DAP: variants seen among roughly 807,000 people sequenced by gnomAD.
DAP encodes death associated protein.
DAP carries 8 observed loss-of-function variants against 13.8 expected under a neutral mutation model. The ratio of observed to expected loss-of-function variants is 0.58; its 90% CI spans 0.34 to 1.05. The LOEUF (loss-of-function observed/expected upper bound fraction) is 1.05, where lower values mean the gene tolerates loss of function less well. Ranked by LOEUF, DAP falls within the 50% of genes least tolerant of loss-of-function variation. The probability of loss-of-function intolerance (pLI) is 0.03; values close to 1 mark genes in which losing one functional copy is unlikely to be tolerated. For synonymous variants in DAP, 47 were observed against 47.5 expected (o/e 0.99, Z 0.04); for missense variants, 106 against 133.2 (o/e 0.80, Z 1.01).
At chr5:10,710,328 TC>T (rs1738815820) in intron 2 of DAP, among the ~76,000 whole-genome samples, 1 of 152,162 alleles carries the variant, frequency 6.6e-6, no homozygotes, top group African/African-American at 2.4e-5. Flanking sequence ...AAGCTGAGGC[TC>T]AGGGAGTTGC....
At position 10,722,573 on chromosome 5, in the gene DAP, C is replaced by CATAT. The variant is rs1156741195; in HGVS notation, c.152+25601_152+25602insATAT. ...ACATATACATGCATATATATACATACATACATATATATACATATATACATA... is the reference window on the plus strand; with the variant it reads ...ACATATACATGCATATATATACATACATATATACATATATATACATATATACATA... On this transcript the variant is annotated intron_variant, in intron 2 of 3. Coordinates refer to ENST00000230895, the MANE Select transcript of DAP (RefSeq NM_004394.3). Among the ~76,000 whole-genome samples the CATAT allele has an allele frequency of 2.7e-5, 4 of 146,050 alleles. No individual in the cohort carries two copies. The East Asian group carries it at 5.9e-4, about 21-fold the overall frequency.
chr5:10,742,999 T>A (rs1739799790), intron 2 of DAP, among the ~76,000 whole-genome samples: 1 of 152,192 alleles, frequency 6.6e-6, no homozygotes, highest in Non-Finnish European at 1.5e-5. Flanking sequence ...CTAGTTCCCA[T>A]CCAACAGCAC....
intron 2 of DAP, among the ~76,000 whole-genome samples, chr5:10,709,936 A>G (rs1348494239): frequency 6.6e-6 from 1 of 152,182 alleles, no homozygotes; most frequent in Non-Finnish European, 1.5e-5. Flanking sequence ...GCACATTTCT[A>G]TATACTACAT....
At chr5:10,704,059 C>A (rs1356113720) in intron 2 of DAP, among the ~76,000 whole-genome samples, 1 of 152,222 alleles carries the variant, frequency 6.6e-6, no homozygotes, top group Non-Finnish European at 1.5e-5. Context: ...AGCCTGGTGA[C>A]CTTCATCTCC....
At position 10,683,575 on chromosome 5, in the gene DAP, G is replaced by GA. The variant is rs1395882446; in HGVS notation, c.153-5dup. The GA allele has an allele frequency of 3.1e-6, 5 of 1,613,540 alleles. No individual in the cohort carries two copies. The highest frequency in any genetic ancestry group is 2.2e-5 in the East Asian group (1 of 44,882). ...GAACACAGTGGGTTTAGGTGGACTG[G>GA]AAAAAAAGAAGGGAAAAGGCAGATT... On this transcript the variant is annotated splice_region_variant and splice_polypyrimidine_tract_variant and intron_variant, in intron 2 of 3. Coordinates refer to ENST00000230895, the MANE Select transcript of DAP (RefSeq NM_004394.3).
At chr5:10,714,744 AC>A (rs1363354189) in intron 2 of DAP, among the ~76,000 whole-genome samples, 2 of 152,024 alleles carry the variant, frequency 1.3e-5, no homozygotes, top group South Asian at 2.1e-4. Context: ...GTTTAGTACC[AC>A]CCCCCTGGTA....
At chr5:10,689,509 GCTGAGTCATGA>G (rs1354483610) in intron 2 of DAP, among the ~76,000 whole-genome samples, 1 of 152,208 alleles carries the variant, frequency 6.6e-6, no homozygotes, top group East Asian at 1.9e-4. Context: ...GCTCCTTTGT[GCTGAGTCATGA>G]CTGAATCTGC....
chr5:10,746,570 T>C (rs1739912059), intron 2 of DAP, among the ~76,000 whole-genome samples: 1 of 152,134 alleles, frequency 6.6e-6, no homozygotes, highest in Non-Finnish European at 1.5e-5. Context: ...CCTCAAGTGA[T>C]CCACCCACCT....
intron 1 of DAP, among the ~76,000 whole-genome samples, chr5:10,753,863 G>C (rs1402439746): frequency 6.6e-6 from 1 of 152,210 alleles, no homozygotes; most frequent in Non-Finnish European, 1.5e-5. Flanking sequence ...TCAAAGGGAA[G>C]CTCTTCTACC....
intron 1 of DAP, among the ~76,000 whole-genome samples, chr5:10,755,725 A>G (rs2111399900): frequency 6.6e-6 from 1 of 152,372 alleles, no homozygotes; most frequent in South Asian, 2.1e-4. Context: ...AACATTCTCT[A>G]TAGAAACAAA....
chr5:10,693,491 G>C (rs1430901280), intron 2 of DAP, among the ~76,000 whole-genome samples: 1 of 152,200 alleles, frequency 6.6e-6, no homozygotes, highest in East Asian at 1.9e-4. Context: ...CTATGGACCA[G>C]GTGCTGAGTT....
chr5:10,722,536 A>G (rs1219407088), intron 2 of DAP, among the ~76,000 whole-genome samples: 1 of 149,138 alleles, frequency 6.7e-6, no homozygotes, highest in Non-Finnish European at 1.5e-5. Context: ...ACATGCATAT[A>G]TATACATATA....
intron 2 of DAP, among the ~76,000 whole-genome samples, chr5:10,743,908 A>T (rs1397235393): frequency 6.6e-6 from 1 of 152,220 alleles, no homozygotes; most frequent in African/African-American, 2.4e-5. Context: ...TATTTTTTTT[A>T]ACACAGCATC....
At chr5:10,720,348 A>G (rs565774904) in intron 2 of DAP, among the ~76,000 whole-genome samples, 1 of 152,232 alleles carries the variant, frequency 6.6e-6, no homozygotes, top group East Asian at 1.9e-4. Context: ...ATGGCTAGGG[A>G]CTTCAAAGAA....
rs535111306 is a variant in DAP, at chr5:10,747,227, G to A, written c.152+948C>T. Among the ~76,000 whole-genome samples, 23 of 152,328 alleles carry A rather than the reference G, an allele frequency of 1.5e-4. No individual in the cohort carries two copies. The South Asian group carries it at 4.3e-3, about 29-fold the overall frequency. On this transcript the variant is annotated intron_variant, in intron 2 of 3. Transcript: ENST00000230895. Reference sequence around the variant, plus strand: ...TAGAGAGCTTAGTGCTTTCTTCTACGTGGACGAGCTCCCGCAGAGGTGTGT... The same window carrying A: ...TAGAGAGCTTAGTGCTTTCTTCTACATGGACGAGCTCCCGCAGAGGTGTGT...
intron 3 of DAP, among the ~76,000 whole-genome samples, chr5:10,682,048 G>C (rs1326061169): frequency 7.1e-6 from 1 of 140,330 alleles, no homozygotes; most frequent in African/African-American, 2.7e-5. Context: ...TGGTGTTTGT[G>C]GGTGAGGAAG....
At chr5:10,753,967 A>C (rs1472918047) in intron 1 of DAP, among the ~76,000 whole-genome samples, 1 of 152,218 alleles carries the variant, frequency 6.6e-6, no homozygotes, top group African/African-American at 2.4e-5. Context: ...GATTAAACCA[A>C]AGGATCTCAG....
rs555106669 is a variant in DAP at position 10,747,941 on chromosome 5, G to A, written c.152+234C>T. 17 of 425,170 alleles carry A rather than the reference G, an allele frequency of 4.0e-5. No individual in the cohort carries two copies. The East Asian group carries it at 7.4e-4, about 19-fold the overall frequency. The allele number at this position is 425,170 out of a possible 1,614,324, so 26.3% of individuals were successfully genotyped here. On this transcript the variant is annotated intron_variant, in intron 2 of 3. Transcript: ENST00000230895. ...GCACCAGCCCCTGGGTGTGGGGTGGGGAACAGGGTGGGCGCGTGGCAACTG... is the reference window on the plus strand; with the variant it reads ...GCACCAGCCCCTGGGTGTGGGGTGGAGAACAGGGTGGGCGCGTGGCAACTG...
At chr5:10,750,623 T>A (rs1740023560) in intron 1 of DAP, among the ~76,000 whole-genome samples, 1 of 152,238 alleles carries the variant, frequency 6.6e-6, no homozygotes, top group Non-Finnish European at 1.5e-5. Context: ...TTGTCTCAAA[T>A]TCACCAGGTA....
Sources: allele counts gnomAD v4.1 joint callset (sites outside exome capture counted in the v4.1 genomes callset), GRCh38; gene constraint gnomAD v4.1.1; transcripts MANE v1.5; gene names NCBI Gene and HGNC (gene_info 2026-07-23, HGNC 2026-07-21).